Variants in NKAIN2 observed in about 807,000 individuals in gnomAD.
NKAIN2 encodes the protein sodium/potassium transporting ATPase interacting 2.
Under a neutral mutation model 32.6 loss-of-function variants are expected in NKAIN2, and 14 were observed. The observed-to-expected ratio is 0.43, with a 90% CI of 0.28 to 0.67. The LOEUF (loss-of-function observed/expected upper bound fraction) is 0.67, where lower values mean the gene tolerates loss of function less well. Ranked by LOEUF, NKAIN2 falls within the 30% of genes least tolerant of loss-of-function variation. NKAIN2 has a pLI of 0.17. For synonymous variants in NKAIN2, 80 were observed against 87.2 expected, an observed-to-expected ratio of 0.92 and a Z score of 0.46; for missense variants, 198 against 258.3, an observed-to-expected ratio of 0.77 and a Z score of 1.60.
chr6:124,441,114 A>G (rs1035101988), intron 3 of NKAIN2, among the ~76,000 whole-genome samples: 2 of 152,116 alleles, frequency 1.3e-5, no homozygotes, highest in African/African-American at 4.8e-5. Context: ...TGGTCAGTAT[A>G]TGATAGAGCC....
rs79748206 is a variant in NKAIN2, at chr6:124,616,415, C to A, written c.274-41771C>A. Among the ~76,000 whole-genome samples the A allele has an allele frequency of 8.2e-3, 771 of 94,278 alleles. 10 individuals are homozygous for A. Among genetic ancestry groups the A allele is most frequent in the African/African-American group, 0.033 (733 of 22,006 alleles). 61.9% of individuals were successfully genotyped at this position (94,278 alleles called of 152,430 possible). ...TTTGTTTTGTTCTTATTATTTTTTT[C>A]TTTTTTCTTTTTCTTTTCTTTCTTT... On this transcript the variant is annotated intron_variant, in intron 3 of 6. Transcript: ENST00000368417.
At chr6:124,066,773 A>G (rs1783204273) in intron 1 of NKAIN2, among the ~76,000 whole-genome samples, 1 of 152,176 alleles carries the variant, frequency 6.6e-6, no homozygotes, top group South Asian at 2.1e-4. Context: ...ACAGGAATGC[A>G]TATAATCCTT....
In NKAIN2 at chr6:124,084,751, T is replaced by C. The variant is rs1279365666; in HGVS notation, c.55-198254T>C. 2.0e-5 allele frequency among the ~76,000 whole-genome samples: 3 copies of C among 152,002 alleles called. No homozygotes were observed. In the East Asian group the frequency reaches 5.8e-4, roughly 29 times the overall value. On this transcript the variant is annotated intron_variant, in intron 1 of 6. Coordinates refer to ENST00000368417, the MANE Select transcript of NKAIN2 (RefSeq NM_001040214.3). ...TGTCTAGAACTGAAGTCAAGATCAT[T>C]GTGCTTTAATCACTCAAGAATCTTT...
intron 3 of NKAIN2, among the ~76,000 whole-genome samples, chr6:124,400,921 G>T (rs1773598233): frequency 6.6e-6 from 1 of 151,966 alleles, no homozygotes; most frequent in Admixed American, 6.6e-5. Flanking sequence ...AAGAAGCATT[G>T]CTAAATGTTA....
chr6:124,635,281 A>G (rs1783733237), intron 3 of NKAIN2, among the ~76,000 whole-genome samples: 1 of 152,066 alleles, frequency 6.6e-6, no homozygotes, highest in Non-Finnish European at 1.5e-5. Context: ...ATCATTATGA[A>G]AACATACAAA....
At chr6:124,442,954 C>T (rs1027835296) in intron 3 of NKAIN2, among the ~76,000 whole-genome samples, 5 of 152,190 alleles carry the variant, frequency 3.3e-5, no homozygotes, top group East Asian at 1.9e-4. Context: ...AGACTCTGCT[C>T]AAAGCTGACA....
intron 4 of NKAIN2, among the ~76,000 whole-genome samples, chr6:124,771,017 C>T (rs758600833): frequency 2.6e-5 from 4 of 152,184 alleles, no homozygotes; most frequent in Admixed American, 1.3e-4. Flanking sequence ...GGTAATTGCA[C>T]GTTTCTATTT....
At chr6:124,793,844 G>C (rs1378188540) in intron 5 of NKAIN2, among the ~76,000 whole-genome samples, 1 of 152,088 alleles carries the variant, frequency 6.6e-6, no homozygotes, top group African/African-American at 2.4e-5. Flanking sequence ...CTTGAGGCCA[G>C]ATACAGATCA....
At chr6:124,402,732 A>T (rs932183687) in intron 3 of NKAIN2, among the ~76,000 whole-genome samples, 11 of 152,196 alleles carry the variant, frequency 7.2e-5, no homozygotes, top group African/African-American at 2.7e-4. Context: ...GTTCTCACTT[A>T]TAAGTGGGAG....
At chr6:124,168,534 AG>A (rs1048487690) in intron 1 of NKAIN2, among the ~76,000 whole-genome samples, 2 of 151,958 alleles carry the variant, frequency 1.3e-5, no homozygotes, top group African/African-American at 4.8e-5. Context: ...ATATAACAAA[AG>A]TTAAAGCCTG....
chr6:124,641,874 A>C (rs1784006887), intron 3 of NKAIN2, among the ~76,000 whole-genome samples: 1 of 152,066 alleles, frequency 6.6e-6, no homozygotes, highest in South Asian at 2.1e-4. Flanking sequence ...GCTTTTAGAA[A>C]GACAAATACC....
At chr6:124,688,071 T>G (rs1162890098) in intron 4 of NKAIN2, among the ~76,000 whole-genome samples, 1 of 152,054 alleles carries the variant, frequency 6.6e-6, no homozygotes, top group African/African-American at 2.4e-5. Flanking sequence ...TGAGTGTCAT[T>G]TGGATAGAAA....
intron 1 of NKAIN2, among the ~76,000 whole-genome samples, chr6:124,029,254 T>G (rs1781297720): frequency 6.6e-6 from 1 of 152,082 alleles, no homozygotes; most frequent in South Asian, 2.1e-4. Flanking sequence ...GTTTATTTCT[T>G]AGTGAAATTC....
intron 4 of NKAIN2, among the ~76,000 whole-genome samples, chr6:124,683,134 A>C (rs1423869146): frequency 6.6e-6 from 1 of 152,224 alleles, no homozygotes; most frequent in South Asian, 2.1e-4. Context: ...TGACAGGTGA[A>C]TATCACCGGT....
rs139272680 is a variant in NKAIN2 at position 124,147,939 on chromosome 6, C to A, written c.55-135066C>A. On this transcript the variant is annotated intron_variant, in intron 1 of 6. Coordinates refer to ENST00000368417, the MANE Select transcript of NKAIN2 (RefSeq NM_001040214.3). ...AACTTCCCCTCCCATCTTAAAAACG[C>A]GTAGTCCTCATCCCTGGTCATGGCT... is the stretch of plus-strand genomic sequence containing the variant. 3.3e-3 allele frequency among the ~76,000 whole-genome samples: 501 copies of A among 152,214 alleles called. 2 individuals are homozygous for A. The highest frequency in any genetic ancestry group is 0.011 in the African/African-American group (475 of 41,552).
intron 1 of NKAIN2, among the ~76,000 whole-genome samples, chr6:124,229,533 T>TAGACAGAC (rs71021483): frequency 5.4e-5 from 8 of 149,170 alleles, no homozygotes; most frequent in African/African-American, 1.5e-4. Context: ...GATAGATAGA[T>TAGACAGAC]AGACAGACAG....
chr6:124,357,212 A>G (rs1048082678), intron 3 of NKAIN2, among the ~76,000 whole-genome samples: 1 of 152,160 alleles, frequency 6.6e-6, no homozygotes, highest in Non-Finnish European at 1.5e-5. Context: ...TGAAAATTTA[A>G]TAATTTCCTT....
intron 3 of NKAIN2, among the ~76,000 whole-genome samples, chr6:124,491,234 C>G (rs1463326810): frequency 6.6e-6 from 1 of 151,856 alleles, no homozygotes; most frequent in Non-Finnish European, 1.5e-5. Context: ...ATCAGAGTCA[C>G]ATGCTAGTGA....
chr6:124,448,687 C>A (rs1215497981), intron 3 of NKAIN2, among the ~76,000 whole-genome samples: 1 of 152,066 alleles, frequency 6.6e-6, no homozygotes, highest in African/African-American at 2.4e-5. Flanking sequence ...GCATTATGAA[C>A]CATTTAGTCT....
Sources: allele counts gnomAD v4.1 joint callset (sites outside exome capture counted in the v4.1 genomes callset), GRCh38; gene constraint gnomAD v4.1.1; transcripts MANE v1.5; gene names NCBI Gene and HGNC (gene_info 2026-07-23, HGNC 2026-07-21).